The following CMIP variants were observed in gnomAD, a reference collection of about 807,000 sequenced individuals.
CMIP encodes the protein c-Maf inducing protein.
Under a neutral mutation model 97.3 loss-of-function variants are expected in CMIP, and 13 were observed. That is an observed-to-expected ratio of 0.13 (90% CI 0.09 to 0.21). CMIP has a LOEUF of 0.21. Ranked by LOEUF, CMIP falls within the 10% of genes least tolerant of loss-of-function variation. The probability of loss-of-function intolerance (pLI) is 1.00; values close to 1 mark genes in which losing one functional copy is unlikely to be tolerated. For missense variants in CMIP, 847 were observed against 1,024.9 expected (o/e 0.83, Z 2.37); for synonymous variants, 538 against 436.3 (o/e 1.23, Z -2.91).
In CMIP at chr16:81,695,174, C is replaced by G. The variant is rs1906569787; in HGVS notation, c.1531-1386C>G. Among the ~76,000 whole-genome samples the G allele has an allele frequency of 5.3e-5, 8 of 152,348 alleles. No homozygotes were observed. In the South Asian group the frequency reaches 1.7e-3, roughly 32 times the overall value. The stretch of plus-strand genomic sequence containing the variant: ...GAGCCAGCTCCCCTGGCCAAGGTCC[C>G]ACACCCAGGCCCTTGTTCTCCTGTT... On this transcript the variant is annotated intron_variant, in intron 13 of 20. Transcript: ENST00000537098.
chr16:81,595,425 G>A lies in CMIP; in HGVS notation c.301-12142G>A, dbSNP rs145288324. Among the ~76,000 whole-genome samples, 929 of 132,818 alleles carry A rather than the reference G, an allele frequency of 7.0e-3. 12 individuals are homozygous for A. Among genetic ancestry groups the A allele is most frequent in the African/African-American group, 0.024 (855 of 35,296 alleles). 87.1% of individuals were successfully genotyped at this position (132,818 alleles called of 152,430 possible). Reference sequence around the variant, plus strand: ...TTTTTCTGAGACAGAGTCTTGCTCTGTTGCCCAGGCTGTAGTGCAGTGACA... The same window carrying A: ...TTTTTCTGAGACAGAGTCTTGCTCTATTGCCCAGGCTGTAGTGCAGTGACA... On this transcript the variant is annotated intron_variant, in intron 1 of 20. Coordinates refer to ENST00000537098, the MANE Select transcript of CMIP (RefSeq NM_198390.3).
chr16:81,490,988 C>A (rs2089396401), intron 1 of CMIP, among the ~76,000 whole-genome samples: 1 of 152,068 alleles, frequency 6.6e-6, no homozygotes, highest in Admixed American at 6.6e-5. Flanking sequence ...AGGGGTCCAG[C>A]CTGCACACAG....
chr16:81,543,061 C>A (rs73596424), intron 1 of CMIP, among the ~76,000 whole-genome samples: 10,574 of 152,244 alleles, frequency 0.069, 1,183 homozygotes, highest in African/African-American at 0.24. Context: ...CTGAGCCCTG[C>A]CCGCTGGAGC....
chr16:81,457,635 T>C (rs367823658), intron 1 of CMIP, among the ~76,000 whole-genome samples: 73 of 152,310 alleles, frequency 4.8e-4, no homozygotes, highest in African/African-American at 1.7e-3. Flanking sequence ...GGTTGAGAAC[T>C]GCTGTGTTCA....
intron 1 of CMIP, among the ~76,000 whole-genome samples, chr16:81,546,887 C>T (rs535298189): frequency 1.8e-4 from 27 of 152,324 alleles, no homozygotes; most frequent in African/African-American, 5.8e-4. Flanking sequence ...TTCAGTGCTC[C>T]GTAGCCACGC....
chr16:81,603,331 C>T lies in CMIP; in HGVS notation c.301-4236C>T, dbSNP rs759191812. On this transcript the variant is annotated intron_variant, in intron 1 of 20. Transcript: ENST00000537098. ...CAAGGTGACGTCATGATCCGCCCAC[C>T]TTGGCCTCCCAAAGTGCTGGGATTA... 5.5e-4 allele frequency: 251 copies of T among 452,412 alleles called. 1 individual carries two copies. The highest frequency in any genetic ancestry group is 9.1e-4 in the Non-Finnish European group (206 of 225,644). 28.0% of individuals were successfully genotyped at this position (452,412 alleles called of 1,614,324 possible). A position where few individuals can be genotyped will look rare whatever the true frequency, so the allele number is the denominator to read the frequency against.
chr16:81,705,777 A>G (rs1908067265), intron 19 of CMIP, among the ~76,000 whole-genome samples, 173 bp downstream of exon 19: 4 of 152,284 alleles, frequency 2.6e-5, no homozygotes, highest in African/African-American at 9.6e-5. Context: ...TCCATGTGCC[A>G]GGAACAACAC....
chr16:81,450,853 G>A (rs367901562), intron 1 of CMIP, among the ~76,000 whole-genome samples: 5 of 152,208 alleles, frequency 3.3e-5, no homozygotes, highest in Non-Finnish European at 5.9e-5. Context: ...TCCCTTACTC[G>A]ACGTCCACAC....
At chr16:81,584,842 T>G (rs2091354688) in intron 1 of CMIP, among the ~76,000 whole-genome samples, 1 of 152,236 alleles carries the variant, frequency 6.6e-6, no homozygotes, top group African/African-American at 2.4e-5. Context: ...GGGGTTCATG[T>G]GGCTGTGGAT....
At chr16:81,658,263 C>T (rs932275223) in intron 5 of CMIP, among the ~76,000 whole-genome samples, 1 of 152,226 alleles carries the variant, frequency 6.6e-6, no homozygotes, top group Non-Finnish European at 1.5e-5. Flanking sequence ...TTCTGGGACT[C>T]TACCATGATG....
chr16:81,535,021 G>C (rs1183752883), intron 1 of CMIP, among the ~76,000 whole-genome samples: 2 of 152,090 alleles, frequency 1.3e-5, no homozygotes, highest in African/African-American at 4.8e-5. Context: ...CGTGATCTCG[G>C]CTCACTCTAA....
At chr16:81,459,076 C>A (rs1567526421) in intron 1 of CMIP, among the ~76,000 whole-genome samples, 2 of 152,056 alleles carry the variant, frequency 1.3e-5, no homozygotes, top group Non-Finnish European at 2.9e-5. Flanking sequence ...CCGTCACCGT[C>A]ACCATCACTG....
chr16:81,675,370 AT>A (rs35314200), intron 9 of CMIP, among the ~76,000 whole-genome samples: 66,476 of 123,366 alleles, frequency 0.54, 16,002 homozygotes, highest in East Asian at 0.79. Context: ...CACCTGGCTA[AT>A]TTTTTTTTTT....
At chr16:81,557,001 T>C (rs2090777178) in intron 1 of CMIP, among the ~76,000 whole-genome samples, 1 of 152,168 alleles carries the variant, frequency 6.6e-6, no homozygotes, top group Non-Finnish European at 1.5e-5. Flanking sequence ...TGGGAAAAAC[T>C]GGTGAAGTTC....
At chr16:81,703,052 G>A (rs1203501592) in intron 17 of CMIP, among the ~76,000 whole-genome samples, 1 of 152,068 alleles carries the variant, frequency 6.6e-6, no homozygotes, top group Non-Finnish European at 1.5e-5. Flanking sequence ...AGGTCTTTAA[G>A]GGTCTTATTT....
At chr16:81,673,973 A>G (rs1479939345) in intron 9 of CMIP, among the ~76,000 whole-genome samples, 2 of 152,208 alleles carry the variant, frequency 1.3e-5, no homozygotes, top group Non-Finnish European at 2.9e-5. Flanking sequence ...GAAAACCTGT[A>G]CAGGGGGGAT....
chr16:81,533,714 G>A (rs1018367485), intron 1 of CMIP, among the ~76,000 whole-genome samples: 4 of 152,164 alleles, frequency 2.6e-5, no homozygotes, highest in Non-Finnish European at 5.9e-5. Context: ...CCTGAGCTCA[G>A]GCAGTCCACC....
intron 20 of CMIP, 74 bp downstream of exon 20, chr16:81,707,158 G>C: frequency 8.1e-7 from 1 of 1,228,902 alleles, no homozygotes; most frequent in Non-Finnish European, 1.2e-6. Flanking sequence ...TGCATCTCCT[G>C]CACAGAGCTC....
At chr16:81,708,600 C>G (rs954260807) in intron 20 of CMIP, among the ~76,000 whole-genome samples, 2 of 152,204 alleles carry the variant, frequency 1.3e-5, no homozygotes, top group Non-Finnish European at 2.9e-5. Flanking sequence ...GGAGGGGACT[C>G]GAGCAAACAG....
Sources: allele counts gnomAD v4.1 joint callset (sites outside exome capture counted in the v4.1 genomes callset), GRCh38; gene constraint gnomAD v4.1.1; transcripts MANE v1.5; gene names NCBI Gene and HGNC (gene_info 2026-07-23, HGNC 2026-07-21).